The following GTF2B variants were observed in gnomAD, a reference collection of about 807,000 sequenced individuals.
The protein encoded by GTF2B is general transcription factor IIB.
GTF2B carries 20 observed loss-of-function variants against 34.6 expected under a neutral mutation model. The observed-to-expected ratio is 0.58, with a 90% CI of 0.41 to 0.84. The LOEUF (loss-of-function observed/expected upper bound fraction) is 0.84, where lower values mean the gene tolerates loss of function less well. Among genes scored for constraint, GTF2B ranks in the 40% least tolerant of loss-of-function variants. The pLI is 0.00. For synonymous variants in GTF2B, 142 were observed against 132.4 expected (o/e 1.07, Z -0.50); for missense variants, 237 against 393.3 (o/e 0.60, Z 3.36).
chr1:88,888,087 G>A (rs184155238), intron 1 of GTF2B: 5 of 152,204 alleles, frequency 3.3e-5, no homozygotes, highest in African/African-American at 1.2e-4. Context: ...ACAAAGATTT[G>A]ATCATTATTT....
chr1:88,855,349 TTC>T (rs905062275), intron 6 of GTF2B, among the ~76,000 whole-genome samples: 5 of 151,086 alleles, frequency 3.3e-5, no homozygotes, highest in African/African-American at 4.9e-5. Flanking sequence ...GTAATTCACT[TTC>T]TGTTTTTGTT....
Position 88,891,531 on chromosome 1 carries a change from C to T in GTF2B, c.-32G>A. 2 of 1,592,694 alleles carry T rather than the reference C, an allele frequency of 1.3e-6. No individual in the cohort carries two copies. The highest frequency in any genetic ancestry group is 1.1e-5 in the South Asian group (1 of 88,878). On this transcript the variant is annotated 5_prime_UTR_variant, in exon 1 of 7. Coordinates refer to ENST00000370500, the MANE Select transcript of GTF2B (RefSeq NM_001514.6). ...GGCGACTGCGGTGCCCGCAACAAGA[C>T]ACAACAGACACACCGAAAGCAGGAA...
At position 88,863,414 on chromosome 1, in the gene GTF2B, G is replaced by A. The variant is rs12077190; in HGVS notation, c.258+567C>T. Among the ~76,000 whole-genome samples, 380 of 152,204 alleles carry A rather than the reference G, an allele frequency of 2.5e-3. 2 individuals are homozygous for A. The highest frequency in any genetic ancestry group is 9.0e-3 in the African/African-American group (373 of 41,544). On this transcript the variant is annotated intron_variant, in intron 3 of 6. Coordinates refer to ENST00000370500, the MANE Select transcript of GTF2B (RefSeq NM_001514.6). ...GCTGGAGTTCAGTGGCGCGATCTTG[G>A]CTCACTGCAACCTCCGCCTCCTGGG...
At chr1:88,881,008 CAA>C (rs57528139) in intron 2 of GTF2B, among the ~76,000 whole-genome samples, 2,153 of 92,718 alleles carry the variant, frequency 0.023, 54 homozygotes, top group African/African-American at 0.079. Flanking sequence ...GATGCTGTCT[CAA>C]AAAAAAAAAA....
At chr1:88,888,446 T>C (rs548076751) in intron 1 of GTF2B, among the ~76,000 whole-genome samples, 10 of 152,192 alleles carry the variant, frequency 6.6e-5, no homozygotes, top group Non-Finnish European at 1.3e-4. Flanking sequence ...TTCATATTTG[T>C]GTTTATTCCA....
Position 88,858,000 on chromosome 1 carries a change from C to A in GTF2B, c.536-513G>T, listed in dbSNP as rs573146982. 1.2e-4 allele frequency among the ~76,000 whole-genome samples: 18 copies of A among 151,364 alleles called. No homozygotes were observed. In the East Asian group the frequency reaches 3.5e-3, roughly 29 times the overall value. On this transcript the variant is annotated intron_variant, in intron 5 of 6. Transcript: ENST00000370500. ...CCTGGCCTAATGTTCTTCACTCTTT[C>A]AATTTAGAGTTTTTTTGTTTTTTGA...
intron 5 of GTF2B, among the ~76,000 whole-genome samples, chr1:88,859,008 C>T (rs867261228): frequency 6.6e-6 from 1 of 151,928 alleles, no homozygotes; most frequent in African/African-American, 2.4e-5. Flanking sequence ...GCTGGGACTA[C>T]AGGCGCGCAC....
chr1:88,876,780 T>C (rs1570731591), intron 2 of GTF2B, among the ~76,000 whole-genome samples: 3 of 152,368 alleles, frequency 2.0e-5, no homozygotes. Context: ...TTCTGAGATG[T>C]ATCTGTCTTT....
At chr1:88,860,823 A>G (rs767604864) in intron 3 of GTF2B, among the ~76,000 whole-genome samples, 10 of 152,218 alleles carry the variant, frequency 6.6e-5, no homozygotes, top group Non-Finnish European at 1.3e-4. Context: ...TCCTCTGCCC[A>G]AAGAAAGTAC....
chr1:88,853,456 A>G (rs1673235090), intron 6 of GTF2B, 110 bp from the exon 7 acceptor site: 1 of 962,852 alleles, frequency 1.0e-6, no homozygotes, highest in African/African-American at 1.6e-5. Context: ...ACTTAAAAAC[A>G]AAACCAGAAG....
intron 2 of GTF2B, among the ~76,000 whole-genome samples, chr1:88,885,834 C>T (rs113183370): frequency 8.5e-5 from 13 of 152,058 alleles, no homozygotes; most frequent in African/African-American, 3.1e-4. Context: ...TTTTTTTTAA[C>T]CATTTAAAAA....
chr1:88,884,481 T>C (rs1557661677), intron 2 of GTF2B, among the ~76,000 whole-genome samples: 1 of 152,238 alleles, frequency 6.6e-6, no homozygotes, highest in Admixed American at 6.5e-5. Context: ...CAACTGTTCT[T>C]GGTGAGATGC....
At chr1:88,859,432 C>T (rs749816314) in intron 5 of GTF2B, among the ~76,000 whole-genome samples, 8 of 152,188 alleles carry the variant, frequency 5.3e-5, no homozygotes, top group Non-Finnish European at 1.0e-4. Context: ...AATAAGTAGG[C>T]ATTGGCAAAT....
At chr1:88,890,541 C>T (rs1674175122) in intron 1 of GTF2B, among the ~76,000 whole-genome samples, 2 of 152,170 alleles carry the variant, frequency 1.3e-5, no homozygotes, top group Non-Finnish European at 1.5e-5. Context: ...ATACTTTCAA[C>T]ACAGGATTAG....
In GTF2B at chr1:88,853,240, G is replaced by C; in HGVS notation, c.924C>G (p.Thr308=). Residue 308 remains threonine (T), a synonymous_variant, in exon 7 of 7, where the codon ACC becomes ACG. Transcript: ENST00000370500. ...ATAGCTGTGGTAGTTTGTCCACTGG[G>C]GTGTCAAATTTGAAGTCTGTAGGAA... ...DLFPTDFKFD[T]PVDKLPQL 6.2e-7 allele frequency: 1 copy of C among 1,613,486 alleles called. No homozygotes were observed. The highest frequency in any genetic ancestry group is 8.5e-7 in the Non-Finnish European group (1 of 1,179,432).
At chr1:88,884,975 T>C (rs929486459) in intron 2 of GTF2B, among the ~76,000 whole-genome samples, 1 of 152,254 alleles carries the variant, frequency 6.6e-6, no homozygotes, top group African/African-American at 2.4e-5. Flanking sequence ...GCGATCAACA[T>C]GTTGCTGTTA....
chr1:88,863,522 T>G (rs1044111779), intron 3 of GTF2B, among the ~76,000 whole-genome samples: 16 of 152,072 alleles, frequency 1.1e-4, no homozygotes, highest in Admixed American at 5.9e-4. Context: ...TTTTTCTATT[T>G]TCCTTTTTTT....
At chr1:88,874,987 C>T (rs1016567789) in intron 2 of GTF2B, among the ~76,000 whole-genome samples, 2 of 151,838 alleles carry the variant, frequency 1.3e-5, no homozygotes, top group Non-Finnish European at 2.9e-5. Flanking sequence ...ATGCTGTAAA[C>T]AGTCTAATGT....
chr1:88,871,647 T>C (rs1673695824), intron 2 of GTF2B, among the ~76,000 whole-genome samples: 2 of 152,238 alleles, frequency 1.3e-5, no homozygotes, highest in African/African-American at 2.4e-5. Context: ...ATTAGTGCTG[T>C]TCCAAGTGAC....
Sources: allele counts gnomAD v4.1 joint callset (sites outside exome capture counted in the v4.1 genomes callset), GRCh38; gene constraint gnomAD v4.1.1; transcripts MANE v1.5; gene names NCBI Gene and HGNC (gene_info 2026-07-23, HGNC 2026-07-21).